ANO4: variants seen among roughly 807,000 people sequenced by gnomAD.
The protein encoded by ANO4 is anoctamin 4, also known as anoctamin-4.
Under a neutral mutation model 141.9 loss-of-function variants are expected in ANO4, and 69 were observed. The observed-to-expected ratio is 0.49, with a 90% CI of 0.40 to 0.59. The LOEUF (loss-of-function observed/expected upper bound fraction) is 0.59. Ranked by LOEUF, ANO4 falls within the 20% of genes least tolerant of loss-of-function variation. ANO4 has a pLI of 0.00. For missense variants in ANO4, 894 were observed against 1,162.2 expected, an observed-to-expected ratio of 0.77 and a Z score of 3.36; for synonymous variants, 350 against 394.3, an observed-to-expected ratio of 0.89 and a Z score of 1.33.
At chr12:101,104,131 A>T (rs2050316401) in intron 22 of ANO4, among the ~76,000 whole-genome samples, 1 of 151,828 alleles carries the variant, frequency 6.6e-6, no homozygotes, top group Non-Finnish European at 1.5e-5. Context: ...TCCCTTTTTT[A>T]AAACAGTACC....
At chr12:100,865,880 G>C (rs1039773983) in intron 1 of ANO4, among the ~76,000 whole-genome samples, 1 of 152,166 alleles carries the variant, frequency 6.6e-6, no homozygotes, top group Non-Finnish European at 1.5e-5. Flanking sequence ...TGGGGGAGGA[G>C]ATAGCCATTG....
At chr12:100,909,750 G>A (rs1354431669) in intron 2 of ANO4, among the ~76,000 whole-genome samples, 3 of 152,168 alleles carry the variant, frequency 2.0e-5, no homozygotes, top group African/African-American at 7.2e-5. Flanking sequence ...GGTTCTGAAA[G>A]CAAGCTTTAT....
At chr12:100,759,956 A>C (rs2032783273) in intron 3 of ANO4, among the ~76,000 whole-genome samples, 1 of 152,190 alleles carries the variant, frequency 6.6e-6, no homozygotes, top group African/African-American at 2.4e-5. Flanking sequence ...AAAGGGCATA[A>C]AAACAATATG....
chr12:101,031,775 C>T (rs1036675007), intron 9 of ANO4, among the ~76,000 whole-genome samples: 8 of 151,990 alleles, frequency 5.3e-5, no homozygotes, highest in Admixed American at 6.6e-5. Flanking sequence ...ACAGGCATTC[C>T]TTTACATCAA....
chr12:100,862,065 T>G (rs968237971), intron 1 of ANO4, among the ~76,000 whole-genome samples: 2 of 152,148 alleles, frequency 1.3e-5, no homozygotes, highest in Non-Finnish European at 2.9e-5. Flanking sequence ...CTAGTTAACT[T>G]TTAAATTTAA....
At chr12:100,817,339 A>G (rs190336044) in intron 1 of ANO4, among the ~76,000 whole-genome samples, 1 of 151,994 alleles carries the variant, frequency 6.6e-6, no homozygotes, top group African/African-American at 2.4e-5. Flanking sequence ...CACAACCTAG[A>G]GTAATCCCTG....
At chr12:101,084,836 G>A (rs528186232) in intron 16 of ANO4, among the ~76,000 whole-genome samples, 19 of 152,296 alleles carry the variant, frequency 1.2e-4, no homozygotes, top group African/African-American at 4.3e-4. Context: ...AACACAGGAG[G>A]CTGGAGCTAT....
chr12:100,879,879 T>C (rs1425460688), intron 1 of ANO4, among the ~76,000 whole-genome samples: 2 of 152,178 alleles, frequency 1.3e-5, no homozygotes, highest in Non-Finnish European at 2.9e-5. Flanking sequence ...AATAGAAGTA[T>C]GTAAAATTTC....
chr12:100,910,271 C>G (rs1371013031), intron 2 of ANO4, among the ~76,000 whole-genome samples: 2 of 151,996 alleles, frequency 1.3e-5, no homozygotes, highest in African/African-American at 4.8e-5. Context: ...AATTCAGAAC[C>G]CTGAAAGTAC....
intron 25 of ANO4, among the ~76,000 whole-genome samples, chr12:101,119,004 G>T (rs1428518220): frequency 6.6e-6 from 1 of 151,890 alleles, no homozygotes; most frequent in Non-Finnish European, 1.5e-5. Context: ...TGCTGAGAAT[G>T]ATGGTTTCCA....
intron 3 of ANO4, among the ~76,000 whole-genome samples, chr12:100,924,173 T>C (rs1012074751): frequency 1.1e-4 from 17 of 152,300 alleles, no homozygotes; most frequent in Admixed American, 1.0e-3. Context: ...TTGGCGTTTG[T>C]TGCCATTGCT....
chr12:100,777,919 A>ATTT (rs373496240), intron 3 of ANO4, among the ~76,000 whole-genome samples: 2 of 134,908 alleles, frequency 1.5e-5, no homozygotes, highest in Non-Finnish European at 3.2e-5. Flanking sequence ...AATGCTTACA[A>ATTT]TTTTTTTTTT....
At chr12:100,969,760 C>T (rs1304565254) in intron 5 of ANO4, among the ~76,000 whole-genome samples, 1 of 152,184 alleles carries the variant, frequency 6.6e-6, no homozygotes, top group East Asian at 1.9e-4. Flanking sequence ...GCACAAAGTC[C>T]TAACATATCT....
At chr12:100,943,992 A>G (rs2042613560) in intron 5 of ANO4, among the ~76,000 whole-genome samples, 1 of 152,072 alleles carries the variant, frequency 6.6e-6, no homozygotes, top group Admixed American at 6.6e-5. Context: ...ACCCATTCTG[A>G]CTCTGTCAAA....
chr12:101,018,638 A>T (rs1005995109), intron 8 of ANO4, among the ~76,000 whole-genome samples: 1 of 152,172 alleles, frequency 6.6e-6, no homozygotes, highest in Non-Finnish European at 1.5e-5. Flanking sequence ...GAAGAAAAAC[A>T]TTTAGCAAAT....
rs1307329755 is a variant in ANO4, at chr12:101,040,006, C to T, written c.949C>T (p.Arg317Ter). 3.7e-6 allele frequency: 6 copies of T among 1,613,404 alleles called. No individual in the cohort carries two copies. The Admixed American group carries it at 5.0e-5, about 13-fold the overall frequency. ...SIRTHGAENH[R>*]HLLYECWASW... ...TCGAACCCATGGAGCAGAAAACCAC[C>T]GACATCTACTCTATGAGTGCTGGGC... The change falls in exon 11 of 28, where the codon CGA becomes TGA. Residue 317 changes from arginine to a stop codon, truncating the protein, a stop_gained. Coordinates refer to ENST00000392977, the MANE Select transcript of ANO4 (RefSeq NM_001286615.2). LOFTEE classifies it high-confidence loss of function.
chr12:100,916,129 A>G (rs2041328114), intron 2 of ANO4, among the ~76,000 whole-genome samples: 1 of 152,302 alleles, frequency 6.6e-6, no homozygotes, highest in Non-Finnish European at 1.5e-5. Flanking sequence ...ACAATGGGAC[A>G]CACACATAGA....
At chr12:101,103,380 T>G (rs1286975955) in intron 22 of ANO4, among the ~76,000 whole-genome samples, 3 of 151,180 alleles carry the variant, frequency 2.0e-5, no homozygotes, top group Non-Finnish European at 4.4e-5. Flanking sequence ...TTGTACATAC[T>G]TTTTATTATT....
At chr12:100,804,359 C>T (rs1314557378) in intron 1 of ANO4, among the ~76,000 whole-genome samples, 1 of 152,120 alleles carries the variant, frequency 6.6e-6, no homozygotes, top group African/African-American at 2.4e-5. Flanking sequence ...CTTTGATGGG[C>T]ATTTAGGTTG....
Sources: allele counts gnomAD v4.1 joint callset (sites outside exome capture counted in the v4.1 genomes callset), GRCh38; gene constraint gnomAD v4.1.1; transcripts MANE v1.5; gene names NCBI Gene and HGNC (gene_info 2026-07-23, HGNC 2026-07-21).